Variants in AHCTF1 observed in about 807,000 individuals in gnomAD.
AHCTF1 encodes AT-hook containing transcription factor 1.
AHCTF1 carries 24 observed loss-of-function variants against 248.4 expected under a neutral mutation model. The observed-to-expected ratio is 0.10, with a 90% CI of 0.07 to 0.14. AHCTF1 has a LOEUF of 0.14. Ranked by LOEUF, AHCTF1 falls within the 10% of genes least tolerant of loss-of-function variation. The pLI is 1.00. For missense variants in AHCTF1, 2,206 were observed against 2,636.2 expected, an observed-to-expected ratio of 0.84 and a Z score of 3.57; for synonymous variants, 786 against 929.8, an observed-to-expected ratio of 0.85 and a Z score of 2.81.
chr1:246,907,184 A>G (rs2103193479), intron 5 of AHCTF1, among the ~76,000 whole-genome samples: 1 of 152,332 alleles, frequency 6.6e-6, no homozygotes, highest in South Asian at 2.1e-4. Flanking sequence ...GGTATCTTAA[A>G]CATTAAAAAG....
chr1:246,875,519 AAAATGCTATC>A (rs774815569), intron 24 of AHCTF1, among the ~76,000 whole-genome samples: 4 of 152,220 alleles, frequency 2.6e-5, no homozygotes, highest in Non-Finnish European at 5.9e-5. Flanking sequence ...TTCTATGGCT[AAAATGCTATC>A]AAATGGTATC....
At chr1:246,869,085 C>G (rs1016327804) in intron 24 of AHCTF1, among the ~76,000 whole-genome samples, 2 of 151,196 alleles carry the variant, frequency 1.3e-5, no homozygotes, top group African/African-American at 2.5e-5. Context: ...ACCTCGTGAT[C>G]CGCCCGCCTT....
intron 12 of AHCTF1, among the ~76,000 whole-genome samples, chr1:246,896,581 G>A (rs1664588616): frequency 6.6e-6 from 1 of 152,190 alleles, no homozygotes; most frequent in African/African-American, 2.4e-5. Context: ...TAAGGGAAAA[G>A]GAGTGACTGT....
intron 21 of AHCTF1, among the ~76,000 whole-genome samples, chr1:246,878,663 G>T (rs1265838432): frequency 6.6e-6 from 1 of 152,158 alleles, no homozygotes; most frequent in Admixed American, 6.5e-5. Context: ...AACTTCCAAG[G>T]CAGAATAAAA....
intron 21 of AHCTF1, among the ~76,000 whole-genome samples, chr1:246,884,605 T>A (rs1261320133): frequency 6.6e-6 from 1 of 152,228 alleles, no homozygotes; most frequent in Non-Finnish European, 1.5e-5. Flanking sequence ...GAAAACCCAA[T>A]AACCATACCA....
chr1:246,863,891 T>C (rs1339538595), intron 27 of AHCTF1, 33 bp downstream of exon 27: 2 of 1,599,176 alleles, frequency 1.3e-6, no homozygotes, highest in Non-Finnish European at 8.6e-7. Context: ...GCCATCTAGT[T>C]TGATTGTGAA....
rs1424039225 is a variant in AHCTF1, at chr1:246,842,846, C to T, written c.6526-70G>A. The stretch of plus-strand genomic sequence containing the variant: ...CAATTTTAAAACTTCTATCCTGAGA[C>T]AAGGAATACTAGAGCCAAACACTGA... On this transcript the variant is annotated intron_variant, in intron 34 of 35. Transcript: ENST00000648844. The T allele has an allele frequency of 3.7e-6, 5 of 1,358,998 alleles. No homozygotes were observed. The Admixed American group carries it at 8.8e-5, about 24-fold the overall frequency. 84.2% of individuals were successfully genotyped at this position (1,358,998 alleles called of 1,614,324 possible).
At chr1:246,922,982 C>CAAA (rs34313695) in intron 1 of AHCTF1, among the ~76,000 whole-genome samples, 18 of 63,910 alleles carry the variant, frequency 2.8e-4, no homozygotes, top group Admixed American at 5.9e-4. Context: ...GACTCTGTCT[C>CAAA]AAAAAAAAAA....
chr1:246,839,519 T>C lies in AHCTF1; in HGVS notation c.*1287A>G. 1.0e-6 allele frequency: 1 copy of C among 985,762 alleles called. No individual in the cohort carries two copies. The highest frequency in any genetic ancestry group is 1.2e-6 in the Non-Finnish European group (1 of 829,878). The allele number at this position is 985,762 out of a possible 1,614,324, so 61.1% of individuals were successfully genotyped here. A position where few individuals can be genotyped will look rare whatever the true frequency, so the allele number is the denominator to read the frequency against. ...AAATTTTCAACAAGGCAGCGTAACATCCATCACTAACCTGACTAAAAGGCC... is the reference window on the plus strand; with the variant it reads ...AAATTTTCAACAAGGCAGCGTAACACCCATCACTAACCTGACTAAAAGGCC... On this transcript the variant is annotated 3_prime_UTR_variant, in exon 36 of 36. Coordinates refer to ENST00000648844, the MANE Select transcript of AHCTF1 (RefSeq NM_001323342.2).
chr1:246,858,737 T>G (rs1198337102), intron 29 of AHCTF1, among the ~76,000 whole-genome samples: 1 of 145,220 alleles, frequency 6.9e-6, no homozygotes, highest in Non-Finnish European at 1.5e-5. Context: ...AGGCAGAGGT[T>G]GCGGTGAGCC....
intron 24 of AHCTF1, among the ~76,000 whole-genome samples, chr1:246,868,846 GTTT>G (rs563383895): frequency 0.051 from 6,569 of 128,788 alleles, 212 homozygotes; most frequent in African/African-American, 0.11. Flanking sequence ...TGTGTTTTTT[GTTT>G]TTTTTTTTTT....
At chr1:246,888,018 G>A (rs1663949450) in intron 19 of AHCTF1, among the ~76,000 whole-genome samples, 159 bp downstream of exon 19, 1 of 152,038 alleles carries the variant, frequency 6.6e-6, no homozygotes. Flanking sequence ...TTGATCACAG[G>A]CCATCTGAGC....
At chr1:246,883,063 T>C (rs1454389680) in intron 21 of AHCTF1, among the ~76,000 whole-genome samples, 1 of 152,212 alleles carries the variant, frequency 6.6e-6, no homozygotes, top group East Asian at 1.9e-4. Context: ...TGCAAATTAA[T>C]AAACAATATC....
At chr1:246,899,380 T>G in intron 11 of AHCTF1, 71 bp downstream of exon 11, 1 of 1,309,392 alleles carries the variant, frequency 7.6e-7, no homozygotes, top group Non-Finnish European at 1.1e-6. Context: ...AAGTAAAACT[T>G]AAATCCATAA....
At chr1:246,915,382 A>T (rs1450641735) in intron 3 of AHCTF1, among the ~76,000 whole-genome samples, 1 of 152,068 alleles carries the variant, frequency 6.6e-6, no homozygotes, top group East Asian at 1.9e-4. Flanking sequence ...CCTCATTACA[A>T]ATAAGGCCAT....
At position 246,887,215 on chromosome 1, in the gene AHCTF1, T is replaced by C; in HGVS notation, c.2468A>G (p.Tyr823Cys). The C allele has an allele frequency of 1.2e-6, 2 of 1,610,314 alleles. No individual in the cohort carries two copies. Among genetic ancestry groups the C allele is most frequent in the Non-Finnish European group, 1.7e-6 (2 of 1,179,038 alleles). The change falls in exon 20 of 36, where the codon TAT becomes TGT. Residue 823 changes from tyrosine (Y) to cysteine (C), a missense_variant. Tyr to Cys is a radical substitution (Grantham distance 194). This residue lies in a region of AHCTF1 where 650 missense variants were observed against 870.8 expected (regional missense o/e 0.75). Coordinates refer to ENST00000648844, the MANE Select transcript of AHCTF1 (RefSeq NM_001323342.2). ...QGFWLIDHND[Y>C]ESGLDLLFHP... Reference sequence around the variant, plus strand: ...GCTGTAAGTGAATAGACTTACCTCATAGTCATTATGATCTATCAACCAAAA... The same window carrying C: ...GCTGTAAGTGAATAGACTTACCTCACAGTCATTATGATCTATCAACCAAAA...
chr1:246,888,748 G>C (rs528659861), intron 17 of AHCTF1, among the ~76,000 whole-genome samples: 1 of 151,910 alleles, frequency 6.6e-6, no homozygotes, highest in South Asian at 2.1e-4. Flanking sequence ...CAGTTCTAAA[G>C]AAAATATAAA....
At chr1:246,844,983 G>A (rs996796983) in intron 33 of AHCTF1, among the ~76,000 whole-genome samples, 1 of 152,132 alleles carries the variant, frequency 6.6e-6, no homozygotes, top group African/African-American at 2.4e-5. Context: ...ATAAAATAGG[G>A]TTAATAGTAG....
intron 1 of AHCTF1, among the ~76,000 whole-genome samples, chr1:246,923,732 C>T (rs1666737732): frequency 7.2e-6 from 1 of 139,776 alleles, no homozygotes; most frequent in Non-Finnish European, 1.6e-5. Flanking sequence ...GAAATGTGTG[C>T]GTGCATGCGT....
Sources: allele counts gnomAD v4.1 joint callset (sites outside exome capture counted in the v4.1 genomes callset), GRCh38; gene constraint gnomAD v4.1.1; regional missense constraint gnomAD v4.1.1; transcripts MANE v1.5; gene names NCBI Gene and HGNC (gene_info 2026-07-23, HGNC 2026-07-21).